Variants in ADARB2 observed in about 807,000 individuals in gnomAD.
ADARB2 encodes the protein inactive double-stranded RNA-specific editase B2.
A neutral mutation model predicts 62.2 loss-of-function variants in ADARB2; 25 were observed. That is an observed-to-expected ratio of 0.40 (90% CI 0.29 to 0.56). The LOEUF is 0.56. ADARB2 is among the 20% of genes least tolerant of loss of function. ADARB2 has a pLI of 0.43. For synonymous variants in ADARB2, 572 were observed against 500.8 expected (o/e 1.14, Z -1.90); for missense variants, 1,071 against 1,077.4 (o/e 0.99, Z 0.08).
chr10:1,225,162 A>T (rs532821394), intron 6 of ADARB2, among the ~76,000 whole-genome samples: 1 of 152,242 alleles, frequency 6.6e-6, no homozygotes, highest in South Asian at 2.1e-4. Flanking sequence ...TCCCTTTACC[A>T]TTATGTAATG....
rs773934238 is a variant in ADARB2, at chr10:1,724,330, G to A, written c.100+12721C>T. Among the ~76,000 whole-genome samples the A allele has an allele frequency of 2.5e-4, 38 of 152,204 alleles. 1 individual carries two copies. The highest frequency in any genetic ancestry group is 1.9e-3 in the Admixed American group (29 of 15,286). On this transcript the variant is annotated intron_variant, in intron 1 of 9. Transcript: ENST00000381312. Reference sequence around the variant, plus strand: ...TGGCTAATTATTCTAACTGTAAAGAGCTGTTATCTGTGTCCTGGTGGTGTC... The same window carrying A: ...TGGCTAATTATTCTAACTGTAAAGAACTGTTATCTGTGTCCTGGTGGTGTC...
chr10:1,541,768 C>T (rs369092576), intron 1 of ADARB2, among the ~76,000 whole-genome samples: 10,041 of 37,476 alleles, frequency 0.27, 2,627 homozygotes, highest in Non-Finnish European at 0.35. Context: ...CCCACTCAGA[C>T]GCAGTTCGGA....
At chr10:1,652,344 C>G (rs1040245562) in intron 1 of ADARB2, among the ~76,000 whole-genome samples, 1 of 152,176 alleles carries the variant, frequency 6.6e-6, no homozygotes, top group African/African-American at 2.4e-5. Context: ...ACTGCCAAGG[C>G]CCCTACTGGG....
chr10:1,481,210 C>T (rs1454058292), intron 1 of ADARB2, among the ~76,000 whole-genome samples: 2 of 152,176 alleles, frequency 1.3e-5, no homozygotes, highest in African/African-American at 2.4e-5. Flanking sequence ...CTAGTCAATG[C>T]AGAAAGGATA....
intron 1 of ADARB2, among the ~76,000 whole-genome samples, chr10:1,710,962 C>T (rs1254434880): frequency 6.6e-6 from 1 of 152,074 alleles, no homozygotes; most frequent in Non-Finnish European, 1.5e-5. Flanking sequence ...TAATTTTTGG[C>T]CCAACCCCCT....
At position 1,182,162 on chromosome 10, in the gene ADARB2, T is replaced by G. The variant is rs995840616; in HGVS notation, c.*1031A>C. ...GGTAAAGGTTGTTTTGATTTTATTT[T>G]GTGCTTGCTTTCTAATGAAAATTTA... On this transcript the variant is annotated 3_prime_UTR_variant, in exon 10 of 10. Transcript: ENST00000381312. 1.3e-5 allele frequency: 2 copies of G among 152,288 alleles called. No individual in the cohort carries two copies. The highest frequency in any genetic ancestry group is 4.8e-5 in the African/African-American group (2 of 41,476). 9.4% of individuals were successfully genotyped at this position (152,288 alleles called of 1,614,324 possible).
intron 6 of ADARB2, among the ~76,000 whole-genome samples, chr10:1,218,862 G>A (rs150129559): frequency 6.6e-6 from 1 of 151,548 alleles, no homozygotes; most frequent in Non-Finnish European, 1.5e-5. Flanking sequence ...GGCTAACACA[G>A]TGAAACCCCA....
Position 1,616,268 on chromosome 10 carries a change from A to G in ADARB2, c.100+120783T>C, listed in dbSNP as rs992612884. On this transcript the variant is annotated intron_variant, in intron 1 of 9. Coordinates refer to ENST00000381312, the MANE Select transcript of ADARB2 (RefSeq NM_018702.4). ...ATCATTCAAAACTACTGCTGCTAGAACTTTGTATTTCTCTTCTGTTGGGAA... is the reference window on the plus strand; with the variant it reads ...ATCATTCAAAACTACTGCTGCTAGAGCTTTGTATTTCTCTTCTGTTGGGAA... Among the ~76,000 whole-genome samples, 5 of 152,342 alleles carry G rather than the reference A, an allele frequency of 3.3e-5. 1 individual carries two copies. The highest frequency in any genetic ancestry group is 3.3e-4 in the Admixed American group (5 of 15,304).
intron 6 of ADARB2, among the ~76,000 whole-genome samples, chr10:1,231,767 C>G (rs1264191354): frequency 6.6e-6 from 1 of 152,144 alleles, no homozygotes; most frequent in Admixed American, 6.5e-5. Flanking sequence ...GATCCACTTA[C>G]AGAGAACCGT....
intron 1 of ADARB2, among the ~76,000 whole-genome samples, chr10:1,687,436 T>G (rs571571931): frequency 1.3e-5 from 2 of 152,244 alleles, no homozygotes; most frequent in Admixed American, 6.5e-5. Flanking sequence ...TATTTGCATA[T>G]TCTTACACAG....
intron 1 of ADARB2, among the ~76,000 whole-genome samples, chr10:1,544,335 G>A (rs1348171416): frequency 6.6e-6 from 1 of 152,246 alleles, no homozygotes; most frequent in Non-Finnish European, 1.5e-5. Flanking sequence ...GAAGCCCCCG[G>A]GGGTGCGGAG....
chr10:1,521,088 A>C (rs1222697096), intron 1 of ADARB2, among the ~76,000 whole-genome samples: 1 of 152,164 alleles, frequency 6.6e-6, no homozygotes, highest in Non-Finnish European at 1.5e-5. Flanking sequence ...ACTCGGAATT[A>C]ATACTCCCAT....
intron 3 of ADARB2, among the ~76,000 whole-genome samples, chr10:1,302,360 C>G (rs1831581727): frequency 1.3e-5 from 2 of 152,218 alleles, no homozygotes; most frequent in South Asian, 4.1e-4. Flanking sequence ...ATATCCCACA[C>G]CTGGCTCGGA....
At chr10:1,294,352 G>A (rs1831504601) in intron 3 of ADARB2, among the ~76,000 whole-genome samples, 1 of 152,100 alleles carries the variant, frequency 6.6e-6, no homozygotes, top group African/African-American at 2.4e-5. Context: ...GTGATGCCTG[G>A]GACCTGGCGG....
chr10:1,636,545 GT>G (rs1833919021), intron 1 of ADARB2, among the ~76,000 whole-genome samples: 1 of 152,012 alleles, frequency 6.6e-6, no homozygotes, highest in South Asian at 2.1e-4. Flanking sequence ...CCTATGTAAT[GT>G]GGGGGGAGGC....
At chr10:1,377,466 T>C (rs1257997123) in intron 2 of ADARB2, among the ~76,000 whole-genome samples, 1 of 131,222 alleles carries the variant, frequency 7.6e-6, no homozygotes, top group Non-Finnish European at 1.6e-5. Flanking sequence ...GTGTGTGTGC[T>C]CCTGGGGTGT....
chr10:1,275,901 T>A (rs1831311942), intron 3 of ADARB2, among the ~76,000 whole-genome samples: 1 of 152,116 alleles, frequency 6.6e-6, no homozygotes, highest in South Asian at 2.1e-4. Context: ...TAATCCAGTC[T>A]ATCATTGTTG....
chr10:1,694,736 G>A (rs559973086), intron 1 of ADARB2, among the ~76,000 whole-genome samples: 85 of 152,296 alleles, frequency 5.6e-4, no homozygotes, highest in Non-Finnish European at 9.1e-4. Context: ...GCACATTTAC[G>A]TTTTTTCAGT....
intron 1 of ADARB2, among the ~76,000 whole-genome samples, chr10:1,452,626 G>GA (rs1022863039): frequency 1.7e-5 from 1 of 58,054 alleles, no homozygotes; most frequent in South Asian, 6.3e-4. Context: ...TTGGGGGGGG[G>GA]AATATCACAC....
Sources: gnomAD v4.1 joint callset for allele counts (sites outside exome capture counted in the v4.1 genomes callset) on GRCh38, gnomAD v4.1.1 for gene constraint, MANE v1.5 for transcripts, NCBI Gene and HGNC (gene_info 2026-07-23, HGNC 2026-07-21) for gene names.